Variants in CPSF3 observed in about 807,000 individuals in gnomAD.
CPSF3 encodes the protein cleavage and polyadenylation specificity factor subunit 3.
A neutral mutation model predicts 84.1 loss-of-function variants in CPSF3; 57 were observed. The ratio of observed to expected loss-of-function variants is 0.68; its 90% CI spans 0.55 to 0.85. CPSF3 has a LOEUF of 0.85. CPSF3 is among the 40% of genes least tolerant of loss of function. CPSF3 has a pLI of 0.00. For synonymous variants in CPSF3, 275 were observed against 278.1 expected, an observed-to-expected ratio of 0.99 and a Z score of 0.11; for missense variants, 522 against 838.8, an observed-to-expected ratio of 0.62 and a Z score of 4.66.
intron 4 of CPSF3, among the ~76,000 whole-genome samples, 155 bp downstream of exon 4, chr2:9,431,035 A>G (rs551639497): frequency 1.3e-5 from 2 of 152,152 alleles, no homozygotes; most frequent in African/African-American, 4.8e-5. Context: ...ATTGAAACCT[A>G]TTGTGTTTCT....
At chr2:9,428,933 A>G (rs1680485031) in intron 2 of CPSF3, 105 bp downstream of exon 2, 1 of 691,318 alleles carries the variant, frequency 1.4e-6, no homozygotes, top group East Asian at 2.6e-5. Context: ...GAAAAATGTT[A>G]TAGTACATGT....
intron 15 of CPSF3, among the ~76,000 whole-genome samples, chr2:9,460,819 T>A (rs1463818731): frequency 6.6e-6 from 1 of 152,058 alleles, no homozygotes; most frequent in Non-Finnish European, 1.5e-5. Flanking sequence ...GCTCTTTACA[T>A]GTTTTGAGCT....
intron 1 of CPSF3, among the ~76,000 whole-genome samples, chr2:9,426,061 T>C (rs537933174): frequency 1.3e-5 from 2 of 152,362 alleles, no homozygotes; most frequent in East Asian, 1.9e-4. Context: ...AGGTTCAAAA[T>C]TGAGGAGTTT....
intron 14 of CPSF3, 148 bp downstream of exon 14, chr2:9,457,175 G>GTGTGTGTGTC (rs1558461994): frequency 2.1e-6 from 1 of 478,692 alleles, no homozygotes; most frequent in Non-Finnish European, 3.7e-6. Flanking sequence ...GTGTGTGTGT[G>GTGTGTGTGTC]TGTGTGTGTG....
intron 7 of CPSF3, among the ~76,000 whole-genome samples, chr2:9,438,240 A>G (rs1680853288): frequency 6.6e-6 from 1 of 152,196 alleles, no homozygotes; most frequent in Non-Finnish European, 1.5e-5. Flanking sequence ...CCAAATCCGA[A>G]TCTAATTCAG....
chr2:9,466,269 CGCACGCACA>C (rs1558466206), intron 15 of CPSF3, among the ~76,000 whole-genome samples: 2 of 44,614 alleles, frequency 4.5e-5, no homozygotes, highest in African/African-American at 1.3e-4. Flanking sequence ...CACACAAAGA[CGCACGCACA>C]CACGTGCGCA....
chr2:9,436,717 G>C (rs536203172), intron 7 of CPSF3, among the ~76,000 whole-genome samples: 1 of 151,382 alleles, frequency 6.6e-6, no homozygotes, highest in Non-Finnish European at 1.5e-5. Flanking sequence ...GTTGTAGTGA[G>C]CCGAGATTGC....
At chr2:9,435,121 A>G (rs1476379350) in intron 6 of CPSF3, among the ~76,000 whole-genome samples, 1 of 152,218 alleles carries the variant, frequency 6.6e-6, no homozygotes, top group East Asian at 1.9e-4. Flanking sequence ...TGATATTGCT[A>G]AGATACAAAT....
At chr2:9,430,932 G>T (rs758292466) in intron 4 of CPSF3, 52 bp downstream of exon 4, 2 of 1,407,186 alleles carry the variant, frequency 1.4e-6, no homozygotes, top group Non-Finnish European at 2.0e-6. Flanking sequence ...TGGCATGTAT[G>T]GTTCAAGATA....
chr2:9,436,096 T>G, intron 6 of CPSF3, 115 bp from the exon 7 acceptor site: 1 of 851,590 alleles, frequency 1.2e-6, no homozygotes, highest in Non-Finnish European at 1.8e-6. Context: ...TTCGAGTAAA[T>G]GACATGCTAA....
chr2:9,472,989 T>C lies in CPSF3; in HGVS notation c.2027T>C (p.Leu676Pro), dbSNP rs1240792371. ...ATGGTGGAGCTGGCTGCACAGAGAC[T>C]GTACGAGGCCCTGACGCCAGTTCAC... ...REMVELAAQR[L>P]YEALTPVH Residue 676 changes from leucine (L) to proline (P), a missense_variant, in exon 18 of 18, where the codon CTG becomes CCG. By Grantham distance (98) the Leu-to-Pro change is moderately conservative. This residue lies in a region of CPSF3 where 193 missense variants were observed against 231.6 expected (regional missense o/e 0.83). Transcript: ENST00000238112. 2 of 1,613,644 alleles carry C rather than the reference T, an allele frequency of 1.2e-6. No individual in the cohort carries two copies. Among genetic ancestry groups the C allele is most frequent in the Non-Finnish European group, 1.7e-6 (2 of 1,179,850 alleles).
chr2:9,454,958 T>G (rs1161139791), intron 12 of CPSF3, among the ~76,000 whole-genome samples: 5 of 152,144 alleles, frequency 3.3e-5, no homozygotes, highest in African/African-American at 1.2e-4. Context: ...AAGCTCATGA[T>G]ACATATGTGA....
At chr2:9,429,664 G>A (rs746621848) in intron 2 of CPSF3, among the ~76,000 whole-genome samples, 1 of 152,064 alleles carries the variant, frequency 6.6e-6, no homozygotes, top group Non-Finnish European at 1.5e-5. Context: ...TTAGAATGAC[G>A]ACCAAAAGTA....
intron 12 of CPSF3, among the ~76,000 whole-genome samples, chr2:9,455,247 T>C (rs1204991949): frequency 1.3e-5 from 2 of 151,976 alleles, no homozygotes; most frequent in Non-Finnish European, 2.9e-5. Flanking sequence ...AGCAATTCTC[T>C]GCCTCAGCCT....
Position 9,463,346 on chromosome 2 carries a change from T to C in CPSF3, c.1786+3728T>C, listed in dbSNP as rs557637333. ...AGCAGAGGCTCCAGCTGGGAGCTTC[T>C]TCAGTCATCCAGGTGGCAGACAGTG... On this transcript the variant is annotated intron_variant, in intron 15 of 17. Coordinates refer to ENST00000238112, the MANE Select transcript of CPSF3 (RefSeq NM_016207.4). Among the ~76,000 whole-genome samples, 12 of 152,356 alleles carry C rather than the reference T, an allele frequency of 7.9e-5. No individual in the cohort carries two copies. The South Asian group carries it at 2.5e-3, about 32-fold the overall frequency.
At chr2:9,451,291 A>G (rs1481841542) in intron 11 of CPSF3, among the ~76,000 whole-genome samples, 2 of 152,208 alleles carry the variant, frequency 1.3e-5, no homozygotes, top group Non-Finnish European at 2.9e-5. Flanking sequence ...AATTAAGGAG[A>G]AAATAACCCT....
chr2:9,450,308 C>A (rs563109064), intron 11 of CPSF3, among the ~76,000 whole-genome samples: 2 of 152,060 alleles, frequency 1.3e-5, no homozygotes, highest in African/African-American at 4.8e-5. Flanking sequence ...CCCACCACCA[C>A]GCCCGGCTAA....
intron 10 of CPSF3, among the ~76,000 whole-genome samples, chr2:9,444,140 TTATATA>T (rs377440396): frequency 3.8e-5 from 5 of 129,888 alleles, no homozygotes; most frequent in African/African-American, 1.4e-4. Flanking sequence ...AATATATATA[TTATATA>T]TATATATATA....
intron 15 of CPSF3, among the ~76,000 whole-genome samples, chr2:9,466,198 A>T (rs956152205): frequency 4.2e-4 from 56 of 133,126 alleles, no homozygotes; most frequent in Non-Finnish European, 1.3e-4. Flanking sequence ...ACACGCGCTC[A>T]CACACACACG....
Sources: allele counts gnomAD v4.1 joint callset (sites outside exome capture counted in the v4.1 genomes callset), GRCh38; gene constraint gnomAD v4.1.1; regional missense constraint gnomAD v4.1.1; transcripts MANE v1.5; gene names NCBI Gene and HGNC (gene_info 2026-07-23, HGNC 2026-07-21).